Variants in GNAI2 observed in about 807,000 individuals in gnomAD.
GNAI2 encodes guanine nucleotide-binding protein G(i) subunit alpha-2.
Under a neutral mutation model 36.8 loss-of-function variants are expected in GNAI2, and 4 were observed. The ratio of observed to expected loss-of-function variants is 0.11; its 90% confidence interval spans 0.05 to 0.25. The LOEUF is 0.25. Among genes scored for constraint, GNAI2 ranks in the 10% least tolerant of loss-of-function variants. The probability of loss-of-function intolerance (pLI) is 1.00; values close to 1 mark genes in which losing one functional copy is unlikely to be tolerated. For synonymous variants in GNAI2, 194 were observed against 194.1 expected (o/e 1.00, Z 0.01); for missense variants, 230 against 481.3 (o/e 0.48, Z 4.89).
chr3:50,250,251 A>G (rs1002575616), intron 1 of GNAI2, among the ~76,000 whole-genome samples: 1 of 151,986 alleles, frequency 6.6e-6, no homozygotes, highest in African/African-American at 2.4e-5. Context: ...TGCTGTCGAT[A>G]TTGCCGATGT....
chr3:50,236,066 G>A (rs1235704755), upstream of GNAI2: 2 of 503,430 alleles, frequency 4.0e-6, no homozygotes, highest in African/African-American at 4.1e-5. The surrounding 1 kb of genome is among the most constrained non-coding windows in gnomAD (Gnocchi z 4.0). Flanking sequence ...CTCCGCCCTC[G>A]AGCCAATCAA....
chr3:50,245,654 C>G (rs1340932831), intron 1 of GNAI2, among the ~76,000 whole-genome samples: 1 of 152,232 alleles, frequency 6.6e-6, no homozygotes, highest in Non-Finnish European at 1.5e-5. Context: ...GTACCTGGGG[C>G]CTGAGGCGCC....
At chr3:50,248,615 C>A (rs1700475755) in intron 1 of GNAI2, among the ~76,000 whole-genome samples, 1 of 151,742 alleles carries the variant, frequency 6.6e-6, no homozygotes, top group African/African-American at 2.4e-5. Flanking sequence ...AGCACCACAC[C>A]CTTGTCCTGC....
At position 50,255,758 on chromosome 3, in the gene GNAI2, G is replaced by C. The variant is rs1700678749; in HGVS notation, c.465-434G>C. ...TGCAGGCAGGGGTTAAAGAAACAAG[G>C]GCTGTGCCTAGGCCAGGCGCAGTGG... is the stretch of plus-strand genomic sequence containing the variant. On this transcript the variant is annotated intron_variant, in intron 4 of 8. Transcript: ENST00000313601. This position sits in a 1 kb window ranked among gnomAD's most constrained non-coding sequence, Gnocchi z 4.0. Among the ~76,000 whole-genome samples the C allele has an allele frequency of 6.6e-6, 1 of 152,032 alleles. No individual in the cohort carries two copies. The highest frequency in any genetic ancestry group is 1.5e-5 in the Non-Finnish European group (1 of 68,016).
Position 50,241,386 on chromosome 3 carries a change from C to T in GNAI2, c.118+4933C>T, listed in dbSNP as rs1700295617. 2.0e-5 allele frequency among the ~76,000 whole-genome samples: 3 copies of T among 152,338 alleles called. No individual in the cohort carries two copies. The South Asian group carries it at 6.2e-4, about 32-fold the overall frequency. On this transcript the variant is annotated intron_variant, in intron 1 of 8. Transcript: ENST00000313601. The surrounding 1 kb of genome is among the most constrained non-coding windows in gnomAD (Gnocchi z 5.0). Reference sequence around the variant, plus strand: ...AGCAGGCAGGGATAGAGCTCCCACACTAAGGAGTGAACAGGGGTCCAAGCT... The same window carrying T: ...AGCAGGCAGGGATAGAGCTCCCACATTAAGGAGTGAACAGGGGTCCAAGCT...
Position 50,241,643 on chromosome 3 carries a change from A to C in GNAI2, c.118+5190A>C, listed in dbSNP as rs1700301387. Among the ~76,000 whole-genome samples, 1 of 152,198 alleles carries C rather than the reference A, an allele frequency of 6.6e-6. No homozygotes were observed. Among genetic ancestry groups the C allele is most frequent in the Non-Finnish European group, 1.5e-5 (1 of 68,032 alleles). On this transcript the variant is annotated intron_variant, in intron 1 of 8. Transcript: ENST00000313601. This position sits in a 1 kb window ranked among gnomAD's most constrained non-coding sequence, Gnocchi z 5.0. The stretch of plus-strand genomic sequence containing the variant: ...AGGAACCCCAGACAGAGGGCAGAGC[A>C]GGTGTGAGGACAGAGAGAATGAGCC...
Position 50,253,240 on chromosome 3 carries a change from G to C in GNAI2, c.464+56G>C. 1 of 1,440,688 alleles carries C rather than the reference G, an allele frequency of 6.9e-7. No homozygotes were observed. The highest frequency in any genetic ancestry group is 9.6e-7 in the Non-Finnish European group (1 of 1,044,310). The allele number at this position is 1,440,688 out of a possible 1,614,324, so 89.2% of individuals were successfully genotyped here. On this transcript the variant is annotated intron_variant, in intron 4 of 8. Transcript: ENST00000313601. This position sits in a 1 kb window ranked among gnomAD's most constrained non-coding sequence, Gnocchi z 4.2. ...GGCAGGGGCTGGGGGAGGACTAAAGGCTGGACCGGAGGGCCTGAGAACCCC... is the reference window on the plus strand; with the variant it reads ...GGCAGGGGCTGGGGGAGGACTAAAGCCTGGACCGGAGGGCCTGAGAACCCC...
chr3:50,234,633 A>G (rs944339626), upstream of GNAI2, among the ~76,000 whole-genome samples: 1 of 152,292 alleles, frequency 6.6e-6, no homozygotes, highest in Non-Finnish European at 1.5e-5. Context: ...GATTATAGGC[A>G]TGAGCAACCA....
chr3:50,241,120 C>G lies in GNAI2; in HGVS notation c.118+4667C>G, dbSNP rs912162340. 2.0e-5 allele frequency among the ~76,000 whole-genome samples: 3 copies of G among 152,102 alleles called. No individual in the cohort carries two copies. Among genetic ancestry groups the G allele is most frequent in the African/African-American group, 2.4e-5 (1 of 41,416 alleles). ...AGATAGTTGGTGCCAGCAGGAGTGA[C>G]AGACTGCCCTGGGGACCTTAGGCCC... On this transcript the variant is annotated intron_variant, in intron 1 of 8. Transcript: ENST00000313601. The surrounding 1 kb of genome is among the most constrained non-coding windows in gnomAD (Gnocchi z 5.0).
Position 50,236,871 on chromosome 3 carries a change from G to A in GNAI2, c.118+418G>A, listed in dbSNP as rs1016864148. Among the ~76,000 whole-genome samples, 2 of 152,038 alleles carry A rather than the reference G, an allele frequency of 1.3e-5. No homozygotes were observed. Among genetic ancestry groups the A allele is most frequent in the Admixed American group, 6.6e-5 (1 of 15,262 alleles). ...CACCTGCGCCTTTTATTCCTATTGG[G>A]CATGAGCATCCCGCGGGGCCCCTGC... is the stretch of plus-strand genomic sequence containing the variant. On this transcript the variant is annotated intron_variant, in intron 1 of 8. Coordinates refer to ENST00000313601, the MANE Select transcript of GNAI2 (RefSeq NM_002070.4). This position sits in a 1 kb window ranked among gnomAD's most constrained non-coding sequence, Gnocchi z 4.0.
In GNAI2 at chr3:50,258,610, A is replaced by C. The variant is rs1462979691; in HGVS notation, c.*267A>C. On this transcript the variant is annotated 3_prime_UTR_variant, in exon 9 of 9. Transcript: ENST00000313601. ...TTCTGGGCATCTGTTCTGGTTTTTA[A>C]CCATTGTCTTGTTCTGTGATGAGGG... 4.2e-6 allele frequency: 1 copy of C among 238,474 alleles called. No individual in the cohort carries two copies. Among genetic ancestry groups the C allele is most frequent in the Middle Eastern group, 1.8e-3 (1 of 544 alleles). The allele number at this position is 238,474 out of a possible 1,614,324, so 14.8% of individuals were successfully genotyped here.
At chr3:50,233,470 G>A (rs140149938), upstream of GNAI2, among the ~76,000 whole-genome samples, 1 of 152,244 alleles carries the variant, frequency 6.6e-6, no homozygotes, top group Non-Finnish European at 1.5e-5. Context: ...CTGGGGCAGG[G>A]TGACAGGTAG....
chr3:50,227,112 A>G, upstream of GNAI2: 1 of 1,370,510 alleles, frequency 7.3e-7, no homozygotes, highest in Non-Finnish European at 9.4e-7. This position sits in a 1 kb window ranked among gnomAD's most constrained non-coding sequence, Gnocchi z 5.9. Context: ...CGCGAGAAGG[A>G]GGGAGCGTCT....
chr3:50,235,622 T>G (rs1700145545), upstream of GNAI2, among the ~76,000 whole-genome samples: 1 of 152,156 alleles, frequency 6.6e-6, no homozygotes, highest in African/African-American at 2.4e-5. Context: ...GCCCGGCCTT[T>G]TTTTTTCCTT....
chr3:50,256,075 C>CAAAAAAAA (rs1700691257), intron 4 of GNAI2, 117 bp from the exon 5 acceptor site: 6 of 220,816 alleles, frequency 2.7e-5, no homozygotes, highest in African/African-American at 1.8e-4. Context: ...AAAAAAAAAG[C>CAAAAAAAA]AAGGGCTGTG....
At chr3:50,232,295 G>T (rs587616579), upstream of GNAI2, among the ~76,000 whole-genome samples, 1 of 152,048 alleles carries the variant, frequency 6.6e-6, no homozygotes, top group Non-Finnish European at 1.5e-5. Flanking sequence ...ATGCCACTGC[G>T]CTCCAGCTTG....
At position 50,248,546 on chromosome 3, in the gene GNAI2, C is replaced by T. The variant is rs1247765656; in HGVS notation, c.119-3554C>T. 1.5e-4 allele frequency among the ~76,000 whole-genome samples: 23 copies of T among 152,162 alleles called. 1 individual carries two copies. The highest frequency in any genetic ancestry group is 5.9e-5 in the Non-Finnish European group (4 of 68,022). ...CTGTCCCCCTTCTCTGCTGGAGCTGCTCCTGGGCTGTGCCCCTGCCTCTGT... is the reference window on the plus strand; with the variant it reads ...CTGTCCCCCTTCTCTGCTGGAGCTGTTCCTGGGCTGTGCCCCTGCCTCTGT... On this transcript the variant is annotated intron_variant, in intron 1 of 8. Transcript: ENST00000313601.
chr3:50,234,438 G>A (rs1553700098), upstream of GNAI2, among the ~76,000 whole-genome samples: 2 of 149,302 alleles, frequency 1.3e-5, no homozygotes, highest in African/African-American at 2.5e-5. Flanking sequence ...TGCAACCTCC[G>A]CCTCCTGGGT....
chr3:50,256,446 G>C, intron 5 of GNAI2, 126 bp downstream of exon 5: 1 of 898,018 alleles, frequency 1.1e-6, no homozygotes, highest in African/African-American at 1.6e-5. Context: ...TTCTGGGCAA[G>C]CACATCCTCA....
Sources: gnomAD v4.1 joint callset for allele counts (sites outside exome capture counted in the v4.1 genomes callset) on GRCh38, gnomAD v4.1.1 for gene constraint, Gnocchi (gnomAD v3.1) non-coding constraint, MANE v1.5 for transcripts, NCBI Gene and HGNC (gene_info 2026-07-23, HGNC 2026-07-21) for gene names.